Variants in CDC40 observed in about 807,000 individuals in gnomAD.
The protein encoded by CDC40 is pre-mRNA-processing factor 17.
A neutral mutation model predicts 80.6 loss-of-function variants in CDC40; 27 were observed. That is an observed-to-expected ratio of 0.33 (90% CI 0.25 to 0.46). The LOEUF is 0.46. Among genes scored for constraint, CDC40 ranks in the 20% least tolerant of loss-of-function variants. CDC40 has a pLI of 1.00. For missense variants in CDC40, 486 were observed against 694.1 expected (o/e 0.70, Z 3.37); for synonymous variants, 221 against 232.6 (o/e 0.95, Z 0.45).
At chr6:110,216,208 T>G (rs1411723234) in intron 9 of CDC40, among the ~76,000 whole-genome samples, 1 of 152,218 alleles carries the variant, frequency 6.6e-6, no homozygotes, top group African/African-American at 2.4e-5. Flanking sequence ...GGAGGACAGC[T>G]TTGTGACAAA....
chr6:110,222,472 G>A (rs551059919), intron 12 of CDC40, among the ~76,000 whole-genome samples: 144 of 152,210 alleles, frequency 9.5e-4, no homozygotes, highest in Non-Finnish European at 1.7e-3. Context: ...CAGGAGAATC[G>A]CTTGAACCCG....
At chr6:110,208,311 T>A (rs1018259873) in intron 4 of CDC40, among the ~76,000 whole-genome samples, 2 of 152,136 alleles carry the variant, frequency 1.3e-5, no homozygotes, top group African/African-American at 4.8e-5. Flanking sequence ...AGGTAGACAT[T>A]TCTTCTTTAA....
chr6:110,206,157 A>C (rs1469465798), intron 3 of CDC40, among the ~76,000 whole-genome samples: 1 of 151,988 alleles, frequency 6.6e-6, no homozygotes, highest in African/African-American at 2.4e-5. Flanking sequence ...TGTGTGTGTG[A>C]GATGGAGTCT....
In CDC40 at chr6:110,217,777, ATCT is replaced by A; in HGVS notation, c.1066_1068del (p.Leu356del). On this transcript the variant is annotated inframe_deletion, in exon 10 of 15. Coordinates refer to ENST00000307731, the MANE Select transcript of CDC40 (RefSeq NM_015891.3). Reference sequence around the variant, plus strand: ...TTCCTCAGTGCAGCCTATGACAGGTATCTTAAGCTCTGGGACACTGAGACAGGT... The same window carrying A: ...TTCCTCAGTGCAGCCTATGACAGGTATAAGCTCTGGGACACTGAGACAGGT... 1 of 1,591,066 alleles carries A rather than the reference ATCT, an allele frequency of 6.3e-7. No homozygotes were observed. The highest frequency in any genetic ancestry group is 8.6e-7 in the Non-Finnish European group (1 of 1,159,058).
rs559213079 is a variant in CDC40, at chr6:110,206,144, G to T, written c.407-1362G>T. Reference sequence around the variant, plus strand: ...GAAGTTCCCTATATTCTGTTTTTTTGTGTGTGTGTGTGAGATGGAGTCTCG... The same window carrying T: ...GAAGTTCCCTATATTCTGTTTTTTTTTGTGTGTGTGTGAGATGGAGTCTCG... On this transcript the variant is annotated intron_variant, in intron 3 of 14. Coordinates refer to ENST00000307731, the MANE Select transcript of CDC40 (RefSeq NM_015891.3). Among the ~76,000 whole-genome samples, 116 of 151,710 alleles carry T rather than the reference G, an allele frequency of 7.6e-4. No individual in the cohort carries two copies. In the South Asian group the frequency reaches 8.1e-3, roughly 11 times the overall value.
chr6:110,218,940 A>G (rs1584080461), intron 10 of CDC40, among the ~76,000 whole-genome samples: 1 of 149,592 alleles, frequency 6.7e-6, no homozygotes, highest in African/African-American at 2.5e-5. Flanking sequence ...GTCTGTGCCC[A>G]CTGCCAGTAA....
At chr6:110,186,479 G>A (rs1206208673) in intron 1 of CDC40, among the ~76,000 whole-genome samples, 1 of 149,302 alleles carries the variant, frequency 6.7e-6, no homozygotes, top group Non-Finnish European at 1.5e-5. Context: ...GTAAGACCCT[G>A]TCTCATAAAT....
intron 1 of CDC40, among the ~76,000 whole-genome samples, chr6:110,188,363 A>T (rs1777301997): frequency 6.6e-6 from 1 of 152,238 alleles, no homozygotes; most frequent in African/African-American, 2.4e-5. Flanking sequence ...TATGCAGTTT[A>T]AACAATTTGT....
At chr6:110,182,641 A>G (rs1187896839) in intron 1 of CDC40, among the ~76,000 whole-genome samples, 1 of 152,098 alleles carries the variant, frequency 6.6e-6, no homozygotes, top group Non-Finnish European at 1.5e-5. Context: ...CAGGCTTCAT[A>G]TCTTCCTTAT....
chr6:110,201,446 A>G (rs1777491632), intron 2 of CDC40, 112 bp from the exon 3 acceptor site: 2 of 692,290 alleles, frequency 2.9e-6, no homozygotes, highest in Admixed American at 3.1e-5. Context: ...GTTCCCAGAT[A>G]GGTTAATAGG....
chr6:110,211,359 A>G (rs898439181), intron 6 of CDC40: 1 of 152,192 alleles, frequency 6.6e-6, no homozygotes, highest in Admixed American at 6.5e-5. Context: ...ATTTAGGAAA[A>G]TACATAGTGA....
At chr6:110,183,594 T>G (rs920268618) in intron 1 of CDC40, among the ~76,000 whole-genome samples, 1 of 152,176 alleles carries the variant, frequency 6.6e-6, no homozygotes, top group Non-Finnish European at 1.5e-5. Context: ...CCAACACTTG[T>G]TTATATGAAG....
intron 10 of CDC40, among the ~76,000 whole-genome samples, chr6:110,218,993 CTCT>C (rs1044104214): frequency 6.6e-6 from 1 of 151,966 alleles, no homozygotes; most frequent in African/African-American, 2.4e-5. Flanking sequence ...TTCATTTTTC[CTCT>C]TCTTAAACTT....
chr6:110,228,153 ACATAGAAAAGGTACAGTAAAATCTCAG>A (rs1412475450), intron 13 of CDC40, among the ~76,000 whole-genome samples: 3 of 152,320 alleles, frequency 2.0e-5, no homozygotes, highest in African/African-American at 4.8e-5. Context: ...GTGTATCTAA[ACATAGAAAAGGTACAGTAAAATCTCAG>A]CATAGAAAAG....
chr6:110,220,648 T>G (rs964706562), intron 12 of CDC40, among the ~76,000 whole-genome samples: 3 of 152,034 alleles, frequency 2.0e-5, no homozygotes, highest in Non-Finnish European at 4.4e-5. Flanking sequence ...GGTTTCACTG[T>G]GTTAGCCAGG....
At chr6:110,221,382 A>G (rs569280738) in intron 12 of CDC40, among the ~76,000 whole-genome samples, 1 of 152,338 alleles carries the variant, frequency 6.6e-6, no homozygotes, top group Admixed American at 6.5e-5. Context: ...TTGTCAGGAC[A>G]ATCTGGGTGA....
intron 1 of CDC40, 55 bp downstream of exon 1, chr6:110,180,688 C>A: frequency 7.8e-7 from 1 of 1,287,130 alleles, no homozygotes; most frequent in Non-Finnish European, 1.1e-6. Flanking sequence ...AGCTCCAGAA[C>A]TGCCAGCCGC....
intron 2 of CDC40, among the ~76,000 whole-genome samples, chr6:110,193,469 A>G (rs1450167914): frequency 6.6e-6 from 1 of 152,030 alleles, no homozygotes; most frequent in Non-Finnish European, 1.5e-5. Context: ...CAGTGGCGCA[A>G]TCTCGGCTCA....
At chr6:110,184,780 CAA>C (rs1454032706) in intron 1 of CDC40, among the ~76,000 whole-genome samples, 9 of 151,946 alleles carry the variant, frequency 5.9e-5, no homozygotes, top group African/African-American at 9.7e-5. Flanking sequence ...TTACTGGAGA[CAA>C]AAGAGTCACT....
Sources: allele counts gnomAD v4.1 joint callset (sites outside exome capture counted in the v4.1 genomes callset), GRCh38; gene constraint gnomAD v4.1.1; transcripts MANE v1.5; gene names NCBI Gene and HGNC (gene_info 2026-07-23, HGNC 2026-07-21).